RERE: variants seen among roughly 807,000 people sequenced by gnomAD.
The protein encoded by RERE is arginine-glutamic acid dipeptide repeats protein.
In RERE, 40 loss-of-function variants were observed where a neutral mutation model predicts 146.1. The ratio of observed to expected loss-of-function variants is 0.27; its 90% CI spans 0.21 to 0.36. The LOEUF is 0.36. Ranked by LOEUF, RERE falls within the 10% of genes least tolerant of loss-of-function variation. The probability of loss-of-function intolerance (pLI) is 1.00; values close to 1 mark genes in which losing one functional copy is unlikely to be tolerated. For missense variants in RERE, 1,933 were observed against 2,138.7 expected (o/e 0.90, Z 1.90); for synonymous variants, 1,003 against 866.0 (o/e 1.16, Z -2.78).
chr1:8,450,056 T>C (rs1011810236), intron 11 of RERE, among the ~76,000 whole-genome samples: 10 of 152,298 alleles, frequency 6.6e-5, no homozygotes, highest in African/African-American at 2.4e-4. Flanking sequence ...TGGTCCCTAT[T>C]AGAATGCAAA....
intron 6 of RERE, among the ~76,000 whole-genome samples, chr1:8,544,950 A>C (rs1443848658): frequency 6.6e-6 from 1 of 152,150 alleles, no homozygotes; most frequent in Non-Finnish European, 1.5e-5. Context: ...TTACAAATCA[A>C]CTCGTGATGA....
At chr1:8,718,497 A>C (rs1639802576) in intron 1 of RERE, among the ~76,000 whole-genome samples, 1 of 152,234 alleles carries the variant, frequency 6.6e-6, no homozygotes. Context: ...ACCTCAATGC[A>C]CTGAACAGCT....
rs149239875 is a variant in RERE, at chr1:8,647,141, G to C, written c.325+8832C>G. On this transcript the variant is annotated intron_variant, in intron 2 of 22. Transcript: ENST00000400908. The stretch of plus-strand genomic sequence containing the variant: ...CTTGCTGTTGGATGTGTGGCCTCCA[G>C]AACTGTAAGACAACATACCTCTGTT... Among the ~76,000 whole-genome samples, 268 of 152,264 alleles carry C rather than the reference G, an allele frequency of 1.8e-3. 2 individuals carry two copies. Among genetic ancestry groups the C allele is most frequent in the Non-Finnish European group, 3.0e-3 (205 of 68,020 alleles).
At chr1:8,754,608 A>G (rs1640599750) in intron 1 of RERE, among the ~76,000 whole-genome samples, 1 of 152,184 alleles carries the variant, frequency 6.6e-6, no homozygotes, top group South Asian at 2.1e-4. Flanking sequence ...TGCTAAGAAC[A>G]CTGCAGATGT....
chr1:8,577,569 T>TGGCCCCCCATACTCATC (rs964013852), intron 4 of RERE, among the ~76,000 whole-genome samples: 1 of 152,238 alleles, frequency 6.6e-6, no homozygotes, highest in Non-Finnish European at 1.5e-5. Flanking sequence ...ACATACTCCT[T>TGGCCCCCCATACTCATC]GGCCCCCCAT....
At chr1:8,414,493 T>C (rs1390088838) in intron 12 of RERE, among the ~76,000 whole-genome samples, 6 of 149,540 alleles carry the variant, frequency 4.0e-5, no homozygotes, top group African/African-American at 1.5e-4. Context: ...GAGGTGGAGG[T>C]TGCGGTGAGC....
chr1:8,727,909 A>G (rs143479958), intron 1 of RERE, among the ~76,000 whole-genome samples: 1 of 152,358 alleles, frequency 6.6e-6, no homozygotes, highest in African/African-American at 2.4e-5. Context: ...AACTGCAAAG[A>G]CTTCTAAAAC....
At chr1:8,694,615 C>A (rs1335426554) in intron 1 of RERE, among the ~76,000 whole-genome samples, 1 of 151,802 alleles carries the variant, frequency 6.6e-6, no homozygotes, top group Admixed American at 6.6e-5. Context: ...AAAAATTAGC[C>A]GGGCGTGGTG....
rs1238777246 is a variant in RERE at position 8,610,495 on chromosome 1, A to C, written c.522+4066T>G. ...TCCCAGCTACTCCAGAGGCTGAGGC[A>C]GGAGAATCGCTTGAACCCGGGAGGC... is the stretch of plus-strand genomic sequence containing the variant. On this transcript the variant is annotated intron_variant, in intron 4 of 22. Transcript: ENST00000400908. 2.0e-5 allele frequency among the ~76,000 whole-genome samples: 3 copies of C among 152,116 alleles called. No homozygotes were observed. The East Asian group carries it at 5.8e-4, about 29-fold the overall frequency.
At chr1:8,421,377 C>T (rs1570200350) in intron 12 of RERE, among the ~76,000 whole-genome samples, 3 of 152,296 alleles carry the variant, frequency 2.0e-5, no homozygotes, top group Admixed American at 2.0e-4. Context: ...AATAACTCTA[C>T]CCTGTTCTGG....
intron 4 of RERE, among the ~76,000 whole-genome samples, chr1:8,575,561 A>T (rs11485215): frequency 0.33 from 32,868 of 98,406 alleles, 5,413 homozygotes; most frequent in African/African-American, 0.43. Context: ...ATATATATAT[A>T]TTTTTTTTTT....
chr1:8,510,123 T>C (rs1645314614), intron 7 of RERE, among the ~76,000 whole-genome samples: 1 of 151,640 alleles, frequency 6.6e-6, no homozygotes, highest in African/African-American at 2.4e-5. Flanking sequence ...GAAGAAGAAA[T>C]GTGGTGGCCC....
rs1167355778 is a variant in RERE, at chr1:8,622,486, TA to T, written c.396+1823del. Among the ~76,000 whole-genome samples the T allele has an allele frequency of 8.6e-4, 37 of 43,032 alleles. 1 individual carries two copies. Among genetic ancestry groups the T allele is most frequent in the Middle Eastern group, 0.017 (1 of 58 alleles). The allele number at this position is 43,032 out of a possible 152,430, so 28.2% of individuals were successfully genotyped here. ...TTCAGGTGTCAGTGCTGTATCTGTT[TA>T]AAAAAAAAAAAAAAAAAAAAAAAAC... On this transcript the variant is annotated intron_variant, in intron 3 of 22. Transcript: ENST00000400908.
chr1:8,538,014 C>G (rs1377085293), intron 7 of RERE, among the ~76,000 whole-genome samples: 2 of 152,164 alleles, frequency 1.3e-5, no homozygotes, highest in Non-Finnish European at 2.9e-5. Context: ...GGAAAATCAG[C>G]TCTGAGAAAT....
chr1:8,755,513 A>G (rs528082303), intron 1 of RERE, among the ~76,000 whole-genome samples: 8 of 152,358 alleles, frequency 5.3e-5, no homozygotes, highest in African/African-American at 1.9e-4. Flanking sequence ...CAAAATGTCA[A>G]GAGGGCCACT....
chr1:8,409,267 GCTAT>G (rs1426728007), intron 12 of RERE, among the ~76,000 whole-genome samples: 1 of 152,194 alleles, frequency 6.6e-6, no homozygotes, highest in Non-Finnish European at 1.5e-5. Context: ...GTAAAGCTGA[GCTAT>G]CTACCATAAC....
intron 10 of RERE, among the ~76,000 whole-genome samples, chr1:8,475,219 C>G (rs984610763): frequency 6.9e-6 from 1 of 145,202 alleles, no homozygotes; most frequent in Admixed American, 6.9e-5. Flanking sequence ...ACCAAAAACA[C>G]AAAAATTAGC....
intron 7 of RERE, among the ~76,000 whole-genome samples, chr1:8,522,905 G>A (rs1333155774): frequency 6.6e-6 from 1 of 151,920 alleles, no homozygotes; most frequent in Non-Finnish European, 1.5e-5. Context: ...TGTCAGGCCA[G>A]GCACGCTGGC....
At chr1:8,784,005 C>G (rs142567358) in intron 1 of RERE, among the ~76,000 whole-genome samples, 32 of 152,310 alleles carry the variant, frequency 2.1e-4, no homozygotes, top group African/African-American at 7.2e-4. Flanking sequence ...ACCTTGATTT[C>G]AGACTTCTGG....
Sources: gnomAD v4.1 joint callset for allele counts (sites outside exome capture counted in the v4.1 genomes callset) on GRCh38, gnomAD v4.1.1 for gene constraint, MANE v1.5 for transcripts, NCBI Gene and HGNC (gene_info 2026-07-23, HGNC 2026-07-21) for gene names.